The following ILRUN variants were observed in gnomAD, a reference collection of about 807,000 sequenced individuals.
ILRUN encodes protein ILRUN.
In ILRUN, 3 loss-of-function variants were observed where a neutral mutation model predicts 33.8. The observed-to-expected ratio is 0.09, with a 90% CI of 0.04 to 0.23. ILRUN has a LOEUF of 0.23. Among genes scored for constraint, ILRUN ranks in the 10% least tolerant of loss-of-function variants. The probability of loss-of-function intolerance (pLI) is 1.00; values close to 1 mark genes in which losing one functional copy is unlikely to be tolerated. For synonymous variants in ILRUN, 124 were observed against 138.9 expected (o/e 0.89, Z 0.75); for missense variants, 210 against 375.1 (o/e 0.56, Z 3.64).
In ILRUN at chr6:34,590,332, A is replaced by G. The variant is rs528392787; in HGVS notation, c.*233T>C. The G allele has an allele frequency of 7.6e-6, 3 of 393,724 alleles. No homozygotes were observed. The South Asian group carries it at 2.0e-4, about 27-fold the overall frequency. 24.4% of individuals were successfully genotyped at this position (393,724 alleles called of 1,614,324 possible). A position where few individuals can be genotyped will look rare whatever the true frequency, so the allele number is the denominator to read the frequency against. On this transcript the variant is annotated 3_prime_UTR_variant, in exon 5 of 5. Coordinates refer to ENST00000374023, the MANE Select transcript of ILRUN (RefSeq NM_024294.4). The stretch of plus-strand genomic sequence containing the variant: ...CTATAACAAAACCCAAAGTGGCTGC[A>G]TGGATTTCTTCTTGGTAGCCTCAAC...
At chr6:34,616,402 G>C (rs1761893104) in intron 3 of ILRUN, 4 of 499,970 alleles carry the variant, frequency 8.0e-6, no homozygotes. Context: ...TAAGCTACAG[G>C]CTCATATTTC....
At chr6:34,675,378 T>A (rs901074069) in intron 1 of ILRUN, among the ~76,000 whole-genome samples, 3 of 152,178 alleles carry the variant, frequency 2.0e-5, no homozygotes, top group Non-Finnish European at 4.4e-5. Context: ...TTTCAAATCA[T>A]CAGGGAAATG....
intron 1 of ILRUN, among the ~76,000 whole-genome samples, chr6:34,690,981 T>C (rs1763638600): frequency 6.6e-6 from 1 of 152,008 alleles, no homozygotes; most frequent in Non-Finnish European, 1.5e-5. Context: ...GCCTCCTGGG[T>C]TCATGCCATT....
chr6:34,598,725 G>A (rs1761451584), intron 4 of ILRUN, among the ~76,000 whole-genome samples: 1 of 152,320 alleles, frequency 6.6e-6, no homozygotes, highest in Non-Finnish European at 1.5e-5. Flanking sequence ...TTTATTCTCA[G>A]TCAGATAGTA....
intron 1 of ILRUN, chr6:34,686,748 C>T (rs1388974733): frequency 5.2e-6 from 1 of 192,914 alleles, no homozygotes; most frequent in Admixed American, 4.9e-5. Context: ...GCGGGCGGAT[C>T]ACGAGGTCAG....
chr6:34,687,278 G>T (rs7744513), intron 1 of ILRUN, among the ~76,000 whole-genome samples: 381 of 152,188 alleles, frequency 2.5e-3, no homozygotes, highest in African/African-American at 8.7e-3. Flanking sequence ...TTTCTCCAAA[G>T]AAGATATACA....
At chr6:34,653,852 C>A (rs1174578960) in intron 2 of ILRUN, among the ~76,000 whole-genome samples, 1 of 151,688 alleles carries the variant, frequency 6.6e-6, no homozygotes, top group African/African-American at 2.4e-5. Flanking sequence ...GCCTGTGGAC[C>A]CAGCTACTCA....
At chr6:34,695,706 T>C (rs921255241) in intron 1 of ILRUN, among the ~76,000 whole-genome samples, 4 of 151,106 alleles carry the variant, frequency 2.6e-5, no homozygotes, top group African/African-American at 7.3e-5. Flanking sequence ...CCCAAGATCA[T>C]CTCATTTCCC....
At chr6:34,678,314 A>G (rs1763282870) in intron 1 of ILRUN, among the ~76,000 whole-genome samples, 2 of 152,090 alleles carry the variant, frequency 1.3e-5, no homozygotes, top group Admixed American at 1.3e-4. Flanking sequence ...GTGCTGGGAT[A>G]TCAGGCGTGA....
chr6:34,683,503 T>TATAC (rs1763446486), intron 1 of ILRUN, among the ~76,000 whole-genome samples: 4 of 95,258 alleles, frequency 4.2e-5, no homozygotes, highest in East Asian at 6.4e-4. Context: ...TATATACATA[T>TATAC]ATATATATAT....
chr6:34,617,321 G>A, intron 3 of ILRUN: 2 of 308,460 alleles, frequency 6.5e-6, no homozygotes, highest in African/African-American at 2.2e-5. Context: ...CTCTCAAATT[G>A]AAAAAAAAAG....
intron 4 of ILRUN, among the ~76,000 whole-genome samples, chr6:34,599,551 G>A (rs897969390): frequency 3.9e-5 from 6 of 151,918 alleles, no homozygotes; most frequent in Admixed American, 3.3e-4. Context: ...CCCTTGCCTT[G>A]TTTAAAAAAA....
chr6:34,688,402 CAA>C (rs10573054), intron 1 of ILRUN, among the ~76,000 whole-genome samples: 24,763 of 93,858 alleles, frequency 0.26, 2,364 homozygotes, highest in African/African-American at 0.38. Context: ...GACCCTGTCT[CAA>C]AAAAAAAAAA....
chr6:34,632,351 G>T (rs572222871), intron 3 of ILRUN, among the ~76,000 whole-genome samples: 4 of 152,072 alleles, frequency 2.6e-5, no homozygotes, highest in African/African-American at 9.7e-5. Flanking sequence ...TGAGGCAAGA[G>T]AATAGCGTGA....
intron 1 of ILRUN, among the ~76,000 whole-genome samples, chr6:34,677,040 C>G (rs1378170862): frequency 1.3e-5 from 2 of 151,548 alleles, no homozygotes; most frequent in African/African-American, 2.4e-5. Context: ...GGCACAGTGG[C>G]TCACATCTAT....
chr6:34,640,138 A>C (rs1762440279), intron 3 of ILRUN, among the ~76,000 whole-genome samples: 1 of 152,162 alleles, frequency 6.6e-6, no homozygotes, highest in Non-Finnish European at 1.5e-5. Context: ...GTGAGCTAGA[A>C]ATTTGTGTGG....
At chr6:34,591,993 G>C (rs1369265930) in intron 4 of ILRUN, among the ~76,000 whole-genome samples, 1 of 152,088 alleles carries the variant, frequency 6.6e-6, no homozygotes, top group Non-Finnish European at 1.5e-5. Flanking sequence ...CCCCTTATAA[G>C]AAAGACACAC....
At position 34,693,689 on chromosome 6, in the gene ILRUN, C is replaced by T. The variant is rs550813727; in HGVS notation, c.158+2757G>A. On this transcript the variant is annotated intron_variant, in intron 1 of 4. Transcript: ENST00000374023. ...TTTATTTTATTTTTTTTTTTTGAGA[C>T]GGAGTCTCGGTCTGTTGCCCAGGCT... 5.2e-3 allele frequency among the ~76,000 whole-genome samples: 755 copies of T among 144,430 alleles called. 11 individuals are homozygous for T. The highest frequency in any genetic ancestry group is 0.021 in the South Asian group (94 of 4,548). The allele number at this position is 144,430 out of a possible 152,430, so 94.8% of individuals were successfully genotyped here.
intron 4 of ILRUN, among the ~76,000 whole-genome samples, chr6:34,603,015 C>CCA (rs1161682841): frequency 2.0e-5 from 3 of 152,200 alleles, no homozygotes; most frequent in African/African-American, 7.2e-5. Flanking sequence ...CTTCATCCTA[C>CCA]CAACCTTAGC....
Sources: gnomAD v4.1 joint callset for allele counts (sites outside exome capture counted in the v4.1 genomes callset) on GRCh38, gnomAD v4.1.1 for gene constraint, MANE v1.5 for transcripts, NCBI Gene and HGNC (gene_info 2026-07-23, HGNC 2026-07-21) for gene names.